The following RBFOX1 variants were observed in gnomAD, a reference collection of about 807,000 sequenced individuals.
The protein encoded by RBFOX1 is RNA binding protein fox-1 homolog 1.
Under a neutral mutation model 57.7 loss-of-function variants are expected in RBFOX1, and 8 were observed. The observed-to-expected ratio is 0.14, with a 90% CI of 0.08 to 0.25. The LOEUF (loss-of-function observed/expected upper bound fraction) is 0.25. Ranked by LOEUF, RBFOX1 falls within the 10% of genes least tolerant of loss-of-function variation. The pLI, the probability that RBFOX1 is intolerant of heterozygous loss-of-function variation, is 1.00. For missense variants in RBFOX1, 611 were observed against 548.5 expected (o/e 1.11, Z -1.14); for synonymous variants, 326 against 222.4 (o/e 1.47, Z -4.15).
chr16:6,287,685 A>C (rs1420036), intron 1 of RBFOX1, among the ~76,000 whole-genome samples: 121,883 of 151,890 alleles, frequency 0.8, 49,055 homozygotes, highest in East Asian at 0.99. Context: ...TATATACATA[A>C]AAGCACACAC....
intron 14 of RBFOX1, chr16:7,693,336 A>G: frequency 6.2e-7 from 1 of 1,613,116 alleles, no homozygotes; most frequent in Non-Finnish European, 8.5e-7. Flanking sequence ...TCTTCGTTGC[A>G]GCAGATGAAA....
chr16:6,222,172 C>T (rs915365115), intron 1 of RBFOX1, among the ~76,000 whole-genome samples: 3 of 152,128 alleles, frequency 2.0e-5, no homozygotes, highest in Non-Finnish European at 4.4e-5. Context: ...ATGTTTTAGA[C>T]TAGAGAGATA....
chr16:7,267,379 A>G (rs988546163), intron 4 of RBFOX1, among the ~76,000 whole-genome samples: 7 of 151,570 alleles, frequency 4.6e-5, no homozygotes, highest in African/African-American at 1.7e-4. Flanking sequence ...TACTAAAAAT[A>G]TAAAAAATTA....
intron 2 of RBFOX1, among the ~76,000 whole-genome samples, chr16:6,590,407 C>G (rs2097693735): frequency 6.6e-6 from 1 of 152,118 alleles, no homozygotes; most frequent in Non-Finnish European, 1.5e-5. Context: ...CAATCAAAAG[C>G]TAATTTTTTT....
At chr16:6,570,507 A>G (rs1170481258) in intron 2 of RBFOX1, among the ~76,000 whole-genome samples, 1 of 152,232 alleles carries the variant, frequency 6.6e-6, no homozygotes, top group Non-Finnish European at 1.5e-5. Context: ...ATATATATAT[A>G]TACACACATA....
intron 2 of RBFOX1, among the ~76,000 whole-genome samples, chr16:6,636,866 ATTATATGTTTAATATAT>A (rs1302565869): frequency 7.8e-6 from 1 of 128,848 alleles, no homozygotes; most frequent in Non-Finnish European, 1.6e-5. Context: ...TATAATATAT[ATTATATGTTTAATATAT>A]TTATATGTTT....
chr16:7,358,889 G>A (rs1301627042), intron 4 of RBFOX1, among the ~76,000 whole-genome samples: 2 of 152,200 alleles, frequency 1.3e-5, no homozygotes, highest in African/African-American at 4.8e-5. Context: ...ACATGAGACA[G>A]TAAGACCATT....
intron 3 of RBFOX1, among the ~76,000 whole-genome samples, chr16:5,629,186 A>G (rs2048430952): frequency 6.6e-6 from 1 of 152,238 alleles, no homozygotes; most frequent in Admixed American, 6.5e-5. Flanking sequence ...ACCTGAATTC[A>G]ACTCACAGAA....
intron 11 of RBFOX1, among the ~76,000 whole-genome samples, chr16:7,645,326 G>A (rs574027386): frequency 5.9e-5 from 9 of 152,010 alleles, no homozygotes; most frequent in South Asian, 2.1e-4. Flanking sequence ...CAATTTCCTC[G>A]TGCCATGTCA....
At chr16:6,802,502 C>G (rs1260939787) in intron 3 of RBFOX1, among the ~76,000 whole-genome samples, 1 of 152,080 alleles carries the variant, frequency 6.6e-6, no homozygotes, top group Non-Finnish European at 1.5e-5. Context: ...TTTGGCAAAA[C>G]CCTGTCTCTA....
intron 4 of RBFOX1, among the ~76,000 whole-genome samples, chr16:7,503,546 C>G (rs1043512337): frequency 2.0e-5 from 3 of 152,122 alleles, no homozygotes. Flanking sequence ...AGCAATGGCA[C>G]AAGTCATCTA....
intron 1 of RBFOX1, among the ~76,000 whole-genome samples, chr16:6,180,361 T>C (rs980336363): frequency 1.3e-5 from 2 of 151,920 alleles, no homozygotes; most frequent in Admixed American, 1.3e-4. Flanking sequence ...GTTTGTGTCT[T>C]TCCAGAAATA....
At chr16:6,705,714 G>C (rs2062618606) in intron 3 of RBFOX1, among the ~76,000 whole-genome samples, 1 of 152,136 alleles carries the variant, frequency 6.6e-6, no homozygotes, top group African/African-American at 2.4e-5. Context: ...GAGAAATAAA[G>C]AGGGATAAAA....
intron 2 of RBFOX1, among the ~76,000 whole-genome samples, chr16:6,576,422 G>A (rs893122587): frequency 6.6e-6 from 1 of 152,072 alleles, no homozygotes; most frequent in South Asian, 2.1e-4. Context: ...GACCCAGTTG[G>A]GAATCAGATT....
chr16:6,739,810 G>A (rs936743149), intron 3 of RBFOX1, among the ~76,000 whole-genome samples: 10 of 152,128 alleles, frequency 6.6e-5, no homozygotes, highest in Admixed American at 4.6e-4. Flanking sequence ...CTGGGAGGCA[G>A]AGGTTGCAGT....
chr16:6,695,840 G>C (rs574290255), intron 3 of RBFOX1, among the ~76,000 whole-genome samples: 2 of 152,114 alleles, frequency 1.3e-5, no homozygotes, highest in East Asian at 3.9e-4. Context: ...TGTTTTCCCT[G>C]CTGGAAATCC....
intron 2 of RBFOX1, among the ~76,000 whole-genome samples, chr16:6,652,788 T>C (rs1483120963): frequency 6.6e-6 from 1 of 151,980 alleles, no homozygotes; most frequent in Non-Finnish European, 1.5e-5. Context: ...TATTGTTTAA[T>C]GGGTACAGGT....
intron 4 of RBFOX1, among the ~76,000 whole-genome samples, chr16:7,501,471 G>T (rs2070834026): frequency 6.6e-6 from 1 of 152,162 alleles, no homozygotes; most frequent in Admixed American, 6.5e-5. Context: ...TAGTGCTGGG[G>T]ATATGCTGTC....
At chr16:5,906,962 C>G (rs971305602) in intron 4 of RBFOX1, among the ~76,000 whole-genome samples, 4 of 151,948 alleles carry the variant, frequency 2.6e-5, no homozygotes, top group Non-Finnish European at 4.4e-5. Context: ...GTCTTGAACT[C>G]CTGACCTCAG....
Sources: allele counts gnomAD v4.1 joint callset (sites outside exome capture counted in the v4.1 genomes callset), GRCh38; gene constraint gnomAD v4.1.1; transcripts MANE v1.5; gene names NCBI Gene and HGNC (gene_info 2026-07-23, HGNC 2026-07-21).